TMEM217: variants seen among roughly 807,000 people sequenced by gnomAD.
The protein encoded by TMEM217 is transmembrane protein 217.
For synonymous variants in TMEM217, 76 were observed against 88.3 expected, an observed-to-expected ratio of 0.86 and a Z score of 0.78; for missense variants, 204 against 248.8, an observed-to-expected ratio of 0.82 and a Z score of 1.21.
intron 1 of TMEM217, among the ~76,000 whole-genome samples, chr6:37,254,511 G>A (rs1765607427): frequency 6.6e-6 from 1 of 152,146 alleles, no homozygotes; most frequent in African/African-American, 2.4e-5. Flanking sequence ...ATCTTTCTCA[G>A]AGAAGACTGT....
At chr6:37,246,394 C>A (rs764867965) in intron 1 of TMEM217, among the ~76,000 whole-genome samples, 1 of 152,148 alleles carries the variant, frequency 6.6e-6, no homozygotes, top group Non-Finnish European at 1.5e-5. Flanking sequence ...ATAGTGCAGG[C>A]ATGGGAGTGG....
At chr6:37,224,615 G>GAA (rs70977635) in intron 1 of TMEM217, among the ~76,000 whole-genome samples, 28 of 149,510 alleles carry the variant, frequency 1.9e-4, no homozygotes, top group African/African-American at 3.2e-4. Flanking sequence ...ACAAACAAAC[G>GAA]AAAAAAAAAC....
intron 1 of TMEM217, among the ~76,000 whole-genome samples, chr6:37,235,959 C>T (rs2113870980): frequency 6.6e-6 from 1 of 152,290 alleles, no homozygotes; most frequent in African/African-American, 2.4e-5. Flanking sequence ...GGGTCAAACA[C>T]ATTCAAACCA....
downstream of TMEM217, among the ~76,000 whole-genome samples, chr6:37,215,997 GTGTGTGTGTGTGT>G (rs1418129138): frequency 5.9e-4 from 9 of 15,280 alleles, no homozygotes; most frequent in South Asian, 9.1e-3. Context: ...TCTTCAGGGT[GTGTGTGTGTGTGT>G]GTGTGTGTGT....
chr6:37,220,811 A>C (rs1292294030), intron 1 of TMEM217, among the ~76,000 whole-genome samples: 1 of 152,190 alleles, frequency 6.6e-6, no homozygotes, highest in Non-Finnish European at 1.5e-5. Flanking sequence ...GAACAAGCTG[A>C]AACAACAGAT....
intron 1 of TMEM217, among the ~76,000 whole-genome samples, chr6:37,247,599 G>A (rs1298294125): frequency 6.6e-6 from 1 of 152,032 alleles, no homozygotes; most frequent in African/African-American, 2.4e-5. Context: ...TGTTGGCCAG[G>A]ATGGTCTCGA....
At chr6:37,215,153 C>T (rs200074688), downstream of TMEM217, 699 of 1,603,058 alleles carry the variant, frequency 4.4e-4, no homozygotes, top group Non-Finnish European at 5.6e-4. Flanking sequence ...CCCTTTCTGC[C>T]GCTAGCCAAG....
intron 1 of TMEM217, among the ~76,000 whole-genome samples, chr6:37,221,011 T>G (rs1763481261): frequency 6.6e-6 from 1 of 152,150 alleles, no homozygotes; most frequent in African/African-American, 2.4e-5. Flanking sequence ...TTAGTAGTGT[T>G]AAGTATATTC....
chr6:37,237,832 C>G (rs1764576055), intron 1 of TMEM217, among the ~76,000 whole-genome samples: 1 of 152,128 alleles, frequency 6.6e-6, no homozygotes, highest in Non-Finnish European at 1.5e-5. Flanking sequence ...ACTACACACA[C>G]ATATTTTTAG....
At chr6:37,225,009 TAA>T (rs1364051135) in intron 1 of TMEM217, among the ~76,000 whole-genome samples, 4 of 132,204 alleles carry the variant, frequency 3.0e-5, no homozygotes, top group Admixed American at 7.7e-5. Flanking sequence ...CCCATCTCTA[TAA>T]AAAAAAAAAA....
rs757856760 is a variant in TMEM217, at chr6:37,218,926, C to A, written c.105G>T (p.Lys35Asn). 5.6e-6 allele frequency: 9 copies of A among 1,614,144 alleles called. No homozygotes were observed. The Admixed American group carries it at 1.5e-4, about 27-fold the overall frequency. The stretch of plus-strand genomic sequence containing the variant: ...CAGTGCAACTGCCATTCCCTAGGTG[C>A]TTCTGTTCAAAGATGAGATACATGT... Residue 35 changes from lysine (K) to asparagine (N), a missense_variant, in exon 2 of 2, where the codon AAG (lysine) becomes AAT (asparagine). Transcript: ENST00000357219.
downstream of TMEM217, chr6:37,212,875 ATG>A: frequency 6.7e-7 from 1 of 1,483,356 alleles, no homozygotes; most frequent in South Asian, 1.2e-5. Context: ...CTCATAGCAA[ATG>A]TGTGTCTTCT....
At chr6:37,256,288 T>A (rs1367141619) in intron 1 of TMEM217, among the ~76,000 whole-genome samples, 1 of 152,242 alleles carries the variant, frequency 6.6e-6, no homozygotes, top group African/African-American at 2.4e-5. Flanking sequence ...TAGATTACTC[T>A]TTCAAGACAT....
downstream of TMEM217, chr6:37,212,759 C>T (rs77689362): frequency 3.6e-3 from 2,503 of 693,352 alleles, 51 homozygotes; most frequent in African/African-American, 0.039. Context: ...AGGAAGCAGC[C>T]GATGATGATG....
intron 1 of TMEM217, among the ~76,000 whole-genome samples, chr6:37,230,763 C>A (rs1393935499): frequency 6.6e-6 from 1 of 152,086 alleles, no homozygotes; most frequent in Non-Finnish European, 1.5e-5. Flanking sequence ...ATAAAGGGGC[C>A]AAAATTCTGC....
At chr6:37,240,444 A>G (rs1764710225) in intron 1 of TMEM217, among the ~76,000 whole-genome samples, 1 of 152,136 alleles carries the variant, frequency 6.6e-6, no homozygotes, top group Non-Finnish European at 1.5e-5. Flanking sequence ...TCTATAGTCC[A>G]CTTGAATTTC....
rs1272958398 is a variant in TMEM217 at position 37,229,344 on chromosome 6, T to TTTTG, written c.-11-10304_-11-10303insCAAA. ...TCCCTAGCAACTTTCAGTTTTTTTT[T>TTTTG]TTTTTTTTTTTTTTTTGAGACAGTG... On this transcript the variant is annotated intron_variant, in intron 1 of 1. Coordinates refer to ENST00000357219, the Ensembl canonical transcript of TMEM217. Among the ~76,000 whole-genome samples, 305 of 127,772 alleles carry TTTTG rather than the reference T, an allele frequency of 2.4e-3. 15 individuals are homozygous for TTTTG. Among genetic ancestry groups the TTTTG allele is most frequent in the African/African-American group, 8.9e-3 (289 of 32,646 alleles). The allele number at this position is 127,772 out of a possible 152,430, so 83.8% of individuals were successfully genotyped here.
intron 1 of TMEM217, among the ~76,000 whole-genome samples, chr6:37,251,313 A>G (rs1765388644): frequency 1.3e-5 from 2 of 152,260 alleles, no homozygotes; most frequent in South Asian, 4.1e-4. Context: ...GGACTGACCT[A>G]TGATATTTTG....
rs186177660 is a variant in TMEM217 at position 37,248,997 on chromosome 6, T to C, written c.-12+8571A>G. On this transcript the variant is annotated intron_variant, in intron 1 of 1. Transcript: ENST00000357219. ...ATTCCTTGGCTTGTGGCTGCATCACTCCAATCTGCCTCTGTGGTCACACTG... is the reference window on the plus strand; with the variant it reads ...ATTCCTTGGCTTGTGGCTGCATCACCCCAATCTGCCTCTGTGGTCACACTG... Among the ~76,000 whole-genome samples, 34 of 152,318 alleles carry C rather than the reference T, an allele frequency of 2.2e-4. No homozygotes were observed. In the East Asian group the frequency reaches 6.4e-3, roughly 29 times the overall value.
Sources: gnomAD v4.1 joint callset for allele counts (sites outside exome capture counted in the v4.1 genomes callset) on GRCh38, gnomAD v4.1.1 for gene constraint, MANE v1.5 for transcripts, NCBI Gene and HGNC (gene_info 2026-07-23, HGNC 2026-07-21) for gene names.